The following GLI3 variants were observed in gnomAD, a reference collection of about 807,000 sequenced individuals.
GLI3 encodes the protein transcription activator GLI3.
GLI3 carries 20 observed loss-of-function variants against 100.8 expected under a neutral mutation model. The ratio of observed to expected loss-of-function variants is 0.20; its 90% CI spans 0.14 to 0.29. The LOEUF is 0.29. Ranked by LOEUF, GLI3 falls within the 10% of genes least tolerant of loss-of-function variation. The pLI is 1.00. For missense variants in GLI3, 2,040 were observed against 2,128.5 expected (o/e 0.96, Z 0.82); for synonymous variants, 938 against 860.5 (o/e 1.09, Z -1.58).
At chr7:42,193,150 C>T (rs62443812) in intron 2 of GLI3, among the ~76,000 whole-genome samples, 22,068 of 152,202 alleles carry the variant, frequency 0.14, 2,090 homozygotes, top group Non-Finnish European at 0.22. Context: ...TCTAGAGAAA[C>T]AGCTCAAGGA....
At chr7:42,174,491 A>G (rs1787439520) in intron 2 of GLI3, among the ~76,000 whole-genome samples, 1 of 152,076 alleles carries the variant, frequency 6.6e-6, no homozygotes, top group Admixed American at 6.5e-5. Context: ...CTGTTTATTC[A>G]TTTCCTCCCC....
intron 4 of GLI3, among the ~76,000 whole-genome samples, chr7:42,060,957 CAGTT>C (rs561523077): frequency 5.6e-4 from 86 of 152,290 alleles, no homozygotes; most frequent in Non-Finnish European, 9.6e-4. Context: ...ACAAGAGACT[CAGTT>C]AGATCTGTTT....
chr7:42,145,600 A>G, intron 3 of GLI3: 1 of 393,418 alleles, frequency 2.5e-6, no homozygotes, highest in Non-Finnish European at 4.4e-6. Context: ...CAAGCAGGTG[A>G]CCAGGTCTGG....
At position 41,972,434 on chromosome 7, in the gene GLI3, G is replaced by A. The variant is rs139108417; in HGVS notation, c.2006C>T (p.Thr669Ile). The change falls in exon 13 of 15, where the codon ACT becomes ATT. Residue 669 changes from threonine to isoleucine, a missense_variant. This residue lies in a region of GLI3 where 327 missense variants were observed against 338.7 expected (regional missense o/e 0.97). Transcript: ENST00000395925. This position sits in a 1 kb window ranked among gnomAD's most constrained non-coding sequence, Gnocchi z 4.4. ...CTGCTGCTCACCAAGGGCTCCCTGAGTCGGTCGGCCAGGCGACCTGGACTG... is the reference window on the plus strand; with the variant it reads ...CTGCTGCTCACCAAGGGCTCCCTGAATCGGTCGGCCAGGCGACCTGGACTG... ...HSQSRSPGRP[T>I]QGALGEQQDL... 1.2e-4 allele frequency: 195 copies of A among 1,613,830 alleles called. 1 individual carries two copies. The African/African-American group carries it at 2.3e-3, about 19-fold the overall frequency.
At chr7:42,119,338 G>A (rs759097260) in intron 3 of GLI3, among the ~76,000 whole-genome samples, 1 of 152,170 alleles carries the variant, frequency 6.6e-6, no homozygotes, top group Admixed American at 6.5e-5. Flanking sequence ...GTGGGGCCCA[G>A]GGGCTATAGT....
chr7:42,251,875 A>G (rs571556917), intron 1 of GLI3, among the ~76,000 whole-genome samples: 1 of 152,244 alleles, frequency 6.6e-6, no homozygotes, highest in East Asian at 1.9e-4. Flanking sequence ...GTTCAGAAGT[A>G]ATGGCAAGTT....
chr7:42,026,809 C>T (rs1458686818), intron 7 of GLI3, among the ~76,000 whole-genome samples: 2 of 152,210 alleles, frequency 1.3e-5, no homozygotes, highest in African/African-American at 4.8e-5. Context: ...GCTCACACTG[C>T]ACGCTTTCAT....
intron 10 of GLI3, among the ~76,000 whole-genome samples, chr7:41,992,547 A>C (rs903191580): frequency 6.6e-6 from 1 of 152,188 alleles, no homozygotes; most frequent in Non-Finnish European, 1.5e-5. Context: ...AAACACCTAC[A>C]CAGTATTTTA....
chr7:42,182,515 T>C (rs1239145028), intron 2 of GLI3, among the ~76,000 whole-genome samples: 1 of 150,888 alleles, frequency 6.6e-6, no homozygotes, highest in Non-Finnish European at 1.5e-5. Context: ...TTAAACTTTT[T>C]CGCCAAAGGA....
intron 2 of GLI3, among the ~76,000 whole-genome samples, chr7:42,158,426 G>A (rs183567648): frequency 6.6e-6 from 1 of 152,116 alleles, no homozygotes; most frequent in Non-Finnish European, 1.5e-5. Context: ...CTAAAATGTG[G>A]CTTCTGTGAG....
Position 41,977,847 on chromosome 7 carries a change from CA to C in GLI3, c.1648-126del, listed in dbSNP as rs1787550216. ...TCAGCAGCTTTTCAAAACCCAGGAA[CA>C]AAAAGTCCACTAAACTCTGCATTTA... On this transcript the variant is annotated intron_variant, in intron 11 of 14. Transcript: ENST00000395925. 3 of 841,088 alleles carry C rather than the reference CA, an allele frequency of 3.6e-6. No homozygotes were observed. The East Asian group carries it at 7.5e-5, about 21-fold the overall frequency. 52.1% of individuals were successfully genotyped at this position (841,088 alleles called of 1,614,324 possible).
intron 2 of GLI3, among the ~76,000 whole-genome samples, chr7:42,174,504 G>A (rs1421535952): frequency 6.6e-6 from 1 of 152,092 alleles, no homozygotes; most frequent in Non-Finnish European, 1.5e-5. Context: ...TCCTCCCCTG[G>A]AAACGTTAAA....
At chr7:42,151,999 C>T (rs1416482142) in intron 2 of GLI3, 5 of 152,204 alleles carry the variant, frequency 3.3e-5, no homozygotes, top group African/African-American at 1.2e-4. Context: ...AGGACTCGAA[C>T]ACGCACTTGT....
chr7:42,121,071 C>A (rs1219876991), intron 3 of GLI3, among the ~76,000 whole-genome samples: 4 of 152,152 alleles, frequency 2.6e-5, no homozygotes, highest in African/African-American at 9.7e-5. Context: ...TTTTAATTTG[C>A]CAATGACAAA....
At chr7:42,109,700 A>ATTTG (rs1785659937) in intron 3 of GLI3, among the ~76,000 whole-genome samples, 1 of 152,210 alleles carries the variant, frequency 6.6e-6, no homozygotes. Context: ...GTTTCAGAAC[A>ATTTG]ATGAAGAATC....
intron 10 of GLI3, among the ~76,000 whole-genome samples, chr7:42,017,782 G>A (rs192964595): frequency 1.1e-3 from 175 of 152,228 alleles, no homozygotes; most frequent in African/African-American, 4.0e-3. Context: ...CACAGAAACC[G>A]ACAGTGCCAC....
Position 42,148,347 on chromosome 7 carries a change from C to T in GLI3, c.246G>A (p.Arg82=), listed in dbSNP as rs890167751. The change falls in exon 3 of 15, where the codon AGG becomes AGA. Residue 82 remains arginine, a synonymous_variant. Transcript: ENST00000395925. ...GGATCTCTTTCTTGATCAATGAGGCCCTCTCGTCACTCGATGTTGAAGGTT... is the reference window on the plus strand; with the variant it reads ...GGATCTCTTTCTTGATCAATGAGGCTCTCTCGTCACTCGATGTTGAAGGTT... ...SEEPSTSSDE[R]ASLIKKEIHG... 8 of 1,613,976 alleles carry T rather than the reference C, an allele frequency of 5.0e-6. No individual in the cohort carries two copies. The highest frequency in any genetic ancestry group is 2.7e-5 in the African/African-American group (2 of 75,014).
chr7:42,234,630 G>A (rs1054671003), intron 1 of GLI3, among the ~76,000 whole-genome samples: 2 of 152,116 alleles, frequency 1.3e-5, no homozygotes, highest in African/African-American at 4.8e-5. Context: ...AAGGCACTGG[G>A]AATTGGTAGG....
intron 10 of GLI3, among the ~76,000 whole-genome samples, chr7:42,007,726 T>TA (rs1001672078): frequency 6.6e-6 from 1 of 152,046 alleles, no homozygotes; most frequent in African/African-American, 2.4e-5. Flanking sequence ...TGAGAAAAAC[T>TA]AAAAAAATCT....
Sources: gnomAD v4.1 joint callset for allele counts (sites outside exome capture counted in the v4.1 genomes callset) on GRCh38, gnomAD v4.1.1 for gene constraint, gnomAD v4.1.1 regional missense constraint, Gnocchi (gnomAD v3.1) non-coding constraint, MANE v1.5 for transcripts, NCBI Gene and HGNC (gene_info 2026-07-23, HGNC 2026-07-21) for gene names.